DLGAP2: variants seen among roughly 807,000 people sequenced by gnomAD.
DLGAP2 encodes disks large-associated protein 2.
In DLGAP2, 26 loss-of-function variants were observed where a neutral mutation model predicts 100.3. The ratio of observed to expected loss-of-function variants is 0.26; its 90% confidence interval spans 0.19 to 0.36. The LOEUF (loss-of-function observed/expected upper bound fraction) is 0.36, where lower values mean the gene tolerates loss of function less well. DLGAP2 is among the 10% of genes least tolerant of loss of function. The probability of loss-of-function intolerance (pLI) is 1.00; values close to 1 mark genes in which losing one functional copy is unlikely to be tolerated. For synonymous variants in DLGAP2, 886 were observed against 630.1 expected (o/e 1.41, Z -6.08); for missense variants, 1,858 against 1,453.2 (o/e 1.28, Z -4.53).
In DLGAP2 at chr8:829,348, C is replaced by T. The variant is rs1796739932; in HGVS notation, c.19-78564C>T. On this transcript the variant is annotated intron_variant, in intron 1 of 14. Transcript: ENST00000637795. ...TGTTCCACCTGTCCCATTTCATCAC[C>T]CATGAAGGTGACAAATGCCCCGAGG... Among the ~76,000 whole-genome samples, 3 of 152,316 alleles carry T rather than the reference C, an allele frequency of 2.0e-5. No individual in the cohort carries two copies. In the South Asian group the frequency reaches 6.2e-4, roughly 32 times the overall value.
intron 1 of DLGAP2, among the ~76,000 whole-genome samples, chr8:870,007 A>C (rs1292233651): frequency 6.7e-6 from 1 of 149,510 alleles, no homozygotes; most frequent in Admixed American, 6.6e-5. Context: ...TGCCTAATTT[A>C]CAAAAAAAAA....
At chr8:1,680,383 G>A (rs530876079) in intron 12 of DLGAP2, among the ~76,000 whole-genome samples, 5 of 152,308 alleles carry the variant, frequency 3.3e-5, no homozygotes, top group South Asian at 4.2e-4. Context: ...AGAGAATAAC[G>A]GCCTTGGAGC....
chr8:925,561 C>A (rs1220111158), intron 2 of DLGAP2, among the ~76,000 whole-genome samples: 2 of 152,104 alleles, frequency 1.3e-5, no homozygotes, highest in African/African-American at 2.4e-5. Context: ...TGGATGTCCA[C>A]ATTGTGGACG....
intron 3 of DLGAP2, among the ~76,000 whole-genome samples, chr8:1,274,964 C>G (rs1799653851): frequency 6.6e-6 from 1 of 152,122 alleles, no homozygotes; most frequent in Non-Finnish European, 1.5e-5. Context: ...TGTTCACTGC[C>G]TGCTGCTGTG....
intron 2 of DLGAP2, among the ~76,000 whole-genome samples, chr8:1,187,850 C>A (rs558998271): frequency 8.2e-6 from 1 of 121,312 alleles, no homozygotes. Context: ...CGGAATCTCA[C>A]ACACCCGGGA....
chr8:1,635,581 G>A (rs1797747365), intron 8 of DLGAP2, among the ~76,000 whole-genome samples: 1 of 152,142 alleles, frequency 6.6e-6, no homozygotes, highest in South Asian at 2.1e-4. Context: ...TCTAAAACTA[G>A]CTCATGAAAA....
intron 3 of DLGAP2, among the ~76,000 whole-genome samples, chr8:1,418,250 G>T (rs186552779): frequency 1.3e-5 from 2 of 152,164 alleles, no homozygotes; most frequent in Non-Finnish European, 1.5e-5. Context: ...AATGGATATT[G>T]TATGTGTAAT....
chr8:1,286,865 G>T (rs1217466185), intron 3 of DLGAP2, among the ~76,000 whole-genome samples: 3 of 152,240 alleles, frequency 2.0e-5, no homozygotes, highest in Admixed American at 2.0e-4. Context: ...TTGCACAAGT[G>T]CATTCGAGGA....
At position 1,286,049 on chromosome 8, in the gene DLGAP2, C is replaced by G. The variant is rs577498509; in HGVS notation, c.106+27166C>G. ...ATATGGTTTGGATCTGTGACTGCAC[C>G]GAAATCTCACCTTGAGTTGTAGTAA... On this transcript the variant is annotated intron_variant, in intron 3 of 14. Transcript: ENST00000637795. Among the ~76,000 whole-genome samples the G allele has an allele frequency of 4.1e-4, 63 of 152,216 alleles. 1 individual carries two copies. The highest frequency in any genetic ancestry group is 1.4e-3 in the African/African-American group (60 of 41,520).
chr8:1,360,911 T>C (rs1460301603), intron 3 of DLGAP2, among the ~76,000 whole-genome samples: 3 of 152,330 alleles, frequency 2.0e-5, no homozygotes, highest in East Asian at 3.9e-4. Flanking sequence ...GAACACGGTT[T>C]CTCGCCTCTC....
Position 1,548,478 on chromosome 8 carries a change from A to AC in DLGAP2, c.173-148_173-147insC, listed in dbSNP as rs1299936918. 1.7e-3 allele frequency: 970 copies of AC among 571,100 alleles called. 3 individuals are homozygous for AC. The highest frequency in any genetic ancestry group is 4.8e-3 in the African/African-American group (239 of 50,236). The allele number at this position is 571,100 out of a possible 1,614,324, so 35.4% of individuals were successfully genotyped here. ...TCTCAGAAAAAAAAAAAAAAAAAAA[A>AC]AAAAAACCCACAAATCTGCCCTCTC... On this transcript the variant is annotated intron_variant, in intron 4 of 14. Coordinates refer to ENST00000637795, the MANE Select transcript of DLGAP2 (RefSeq NM_001346810.2).
chr8:1,192,806 A>G (rs770348596), intron 2 of DLGAP2, among the ~76,000 whole-genome samples: 2 of 151,474 alleles, frequency 1.3e-5, no homozygotes, highest in East Asian at 3.9e-4. Flanking sequence ...ATATCTCCTA[A>G]AGCTATCCCT....
chr8:801,321 T>C (rs1330777713), intron 1 of DLGAP2, among the ~76,000 whole-genome samples: 1 of 152,212 alleles, frequency 6.6e-6, no homozygotes. Flanking sequence ...AGTGCAGCAG[T>C]GGACCTTAGG....
intron 2 of DLGAP2, among the ~76,000 whole-genome samples, chr8:1,008,860 G>C (rs1393436717): frequency 6.6e-6 from 1 of 152,246 alleles, no homozygotes; most frequent in Non-Finnish European, 1.5e-5. Context: ...ATTCCGCCCA[G>C]GCAGCTCCGA....
intron 3 of DLGAP2, among the ~76,000 whole-genome samples, chr8:1,264,390 G>C (rs1330845128): frequency 6.6e-6 from 1 of 152,160 alleles, no homozygotes; most frequent in East Asian, 1.9e-4. Context: ...CCGTTTGTGA[G>C]AAAAGAACTG....
At chr8:1,215,872 G>A (rs1798201934) in intron 2 of DLGAP2, among the ~76,000 whole-genome samples, 1 of 144,176 alleles carries the variant, frequency 6.9e-6, no homozygotes, top group African/African-American at 2.7e-5. Context: ...ATCACCTGGA[G>A]ACGTCCAGGT....
rs150087217 is a variant in DLGAP2 at position 1,428,893 on chromosome 8, C to T, written c.107-72473C>T. ...TAGGTGACTCCCATGCACAGGACGT[C>T]GTCTCATGCCCTGCTTGGCTATCTA... On this transcript the variant is annotated intron_variant, in intron 3 of 14. Coordinates refer to ENST00000637795, the MANE Select transcript of DLGAP2 (RefSeq NM_001346810.2). Among the ~76,000 whole-genome samples, 120 of 152,334 alleles carry T rather than the reference C, an allele frequency of 7.9e-4. 1 individual carries two copies. The highest frequency in any genetic ancestry group is 2.8e-3 in the African/African-American group (115 of 41,582).
At chr8:1,146,321 C>G (rs546457257) in intron 2 of DLGAP2, among the ~76,000 whole-genome samples, 5 of 152,206 alleles carry the variant, frequency 3.3e-5, no homozygotes, top group Non-Finnish European at 7.3e-5. Flanking sequence ...GCTCATTTTC[C>G]TAGTGTGCTG....
chr8:781,600 G>A (rs376627990), intron 1 of DLGAP2, among the ~76,000 whole-genome samples: 1 of 152,154 alleles, frequency 6.6e-6, no homozygotes, highest in South Asian at 2.1e-4. Flanking sequence ...CAGATTACAG[G>A]GGTGGTGGGG....
Sources: allele counts gnomAD v4.1 joint callset (sites outside exome capture counted in the v4.1 genomes callset), GRCh38; gene constraint gnomAD v4.1.1; transcripts MANE v1.5; gene names NCBI Gene and HGNC (gene_info 2026-07-23, HGNC 2026-07-21).